The following TENM3 variants were observed in gnomAD, a reference collection of about 807,000 sequenced individuals.
TENM3 encodes the protein teneurin transmembrane protein 3.
In TENM3, 63 loss-of-function variants were observed where a neutral mutation model predicts 255.1. The observed-to-expected ratio is 0.25, with a 90% CI of 0.20 to 0.30. The LOEUF (loss-of-function observed/expected upper bound fraction) is 0.30, where lower values mean the gene tolerates loss of function less well. Among genes scored for constraint, TENM3 ranks in the 10% least tolerant of loss-of-function variants. The pLI is 1.00. For missense variants in TENM3, 2,929 were observed against 3,461.1 expected (o/e 0.85, Z 3.86); for synonymous variants, 1,306 against 1,322.3 (o/e 0.99, Z 0.27).
the TENM3 span, among the ~76,000 whole-genome samples, chr4:181,716,744 A>T: frequency 6.6e-6 from 1 of 152,224 alleles, no homozygotes; most frequent in Non-Finnish European, 1.5e-5. Context: ...AGGGTAATCA[A>T]TATTATACAG....
the TENM3 span, among the ~76,000 whole-genome samples, chr4:181,661,963 G>A: frequency 6.6e-6 from 1 of 151,138 alleles, no homozygotes; most frequent in African/African-American, 2.4e-5. Context: ...TATCAAATTG[G>A]CCTCATCAAA....
At chr4:182,193,995 C>T (rs1450145) in intron 1 of TENM3, among the ~76,000 whole-genome samples, 1 of 152,130 alleles carries the variant, frequency 6.6e-6, no homozygotes, top group Non-Finnish European at 1.5e-5. Context: ...ACTTCATGGC[C>T]TACGTTAAAA....
the TENM3 span, among the ~76,000 whole-genome samples, chr4:181,579,467 C>A: frequency 6.6e-6 from 1 of 152,114 alleles, no homozygotes; most frequent in African/African-American, 2.4e-5. Context: ...TGAGAAAATT[C>A]TGGAAAGTGT....
In TENM3 at chr4:182,402,216, A is replaced by G. The variant is rs540227774; in HGVS notation, c.511+55287A>G. 2.6e-5 allele frequency among the ~76,000 whole-genome samples: 4 copies of G among 152,332 alleles called. No individual in the cohort carries two copies. The East Asian group carries it at 7.7e-4, about 29-fold the overall frequency. On this transcript the variant is annotated intron_variant, in intron 3 of 27. Coordinates refer to ENST00000511685, the MANE Select transcript of TENM3 (RefSeq NM_001080477.4). ...TCACTCACTTTATTGGAATACCCAA[A>G]TGCACAGGTCGTTTATTTTGCTATT...
At chr4:182,338,694 A>T (rs1367297547) in intron 2 of TENM3, among the ~76,000 whole-genome samples, 1 of 152,200 alleles carries the variant, frequency 6.6e-6, no homozygotes. Context: ...GATTAAAATA[A>T]TAATGTCTCT....
At chr4:182,348,761 A>G (rs1764991022) in intron 3 of TENM3, among the ~76,000 whole-genome samples, 1 of 152,158 alleles carries the variant, frequency 6.6e-6, no homozygotes, top group Admixed American at 6.5e-5. Flanking sequence ...AAAGGATCTC[A>G]TGGTGGATCC....
chr4:182,623,253 T>C lies in TENM3; in HGVS notation c.750-5398T>C, dbSNP rs535899747. 1.1e-4 allele frequency among the ~76,000 whole-genome samples: 16 copies of C among 152,184 alleles called. No homozygotes were observed. In the South Asian group the frequency reaches 3.1e-3, roughly 30 times the overall value. ...TGGTCTCGATTTCCTGACCTTGTGA[T>C]CCACCTGTCCCCGCCTCCCTAAGTG... On this transcript the variant is annotated intron_variant, in intron 4 of 27. Coordinates refer to ENST00000511685, the MANE Select transcript of TENM3 (RefSeq NM_001080477.4).
At chr4:181,806,082 TAAG>T in the TENM3 span, among the ~76,000 whole-genome samples, 834 of 152,300 alleles carry the variant, frequency 5.5e-3, 8 homozygotes, top group African/African-American at 0.019. Flanking sequence ...ATCCATAAAA[TAAG>T]AACATTATAA....
intron 27 of TENM3, among the ~76,000 whole-genome samples, chr4:182,797,706 G>C (rs1399879828): frequency 6.6e-6 from 1 of 152,114 alleles, no homozygotes; most frequent in Admixed American, 6.5e-5. Context: ...AGAATTTCCA[G>C]CTTACAGTAA....
the TENM3 span, among the ~76,000 whole-genome samples, chr4:181,614,068 ATTG>A: frequency 6.0e-5 from 9 of 150,714 alleles, no homozygotes; most frequent in Admixed American, 6.0e-4. Context: ...TGGAGCTATT[ATTG>A]TTATTTTAAA....
intron 1 of TENM3, among the ~76,000 whole-genome samples, chr4:182,220,210 C>T (rs34563613): frequency 6.6e-6 from 1 of 151,896 alleles, no homozygotes; most frequent in Non-Finnish European, 1.5e-5. Flanking sequence ...AACTCTGTCT[C>T]TACTAAAAAT....
chr4:182,300,840 CT>C (rs1291673723), intron 1 of TENM3, among the ~76,000 whole-genome samples: 2 of 152,236 alleles, frequency 1.3e-5, no homozygotes, highest in African/African-American at 4.8e-5. Flanking sequence ...TGATGATGGA[CT>C]TTCCATTTTA....
At chr4:182,028,114 A>G in the TENM3 span, among the ~76,000 whole-genome samples, 1 of 152,222 alleles carries the variant, frequency 6.6e-6, no homozygotes, top group African/African-American at 2.4e-5. Context: ...TTTTCTTTAC[A>G]GGAAGACTTT....
intron 3 of TENM3, among the ~76,000 whole-genome samples, chr4:182,535,287 G>A (rs1740189587): frequency 2.0e-5 from 3 of 152,148 alleles, no homozygotes; most frequent in Non-Finnish European, 4.4e-5. Context: ...ACATATTTTG[G>A]TCAATTTTGA....
chr4:182,720,000 T>G (rs930856199), intron 13 of TENM3, among the ~76,000 whole-genome samples: 1 of 151,978 alleles, frequency 6.6e-6, no homozygotes, highest in African/African-American at 2.4e-5. Flanking sequence ...AGGTCAAGGC[T>G]GCAGTGAGCC....
In TENM3 at chr4:182,729,135, T is replaced by C; in HGVS notation, c.2539T>C (p.Ser847Pro). 1 of 1,614,038 alleles carries C rather than the reference T, an allele frequency of 6.2e-7. No individual in the cohort carries two copies. The highest frequency in any genetic ancestry group is 8.5e-7 in the Non-Finnish European group (1 of 1,179,894). ...FYDRISFLIGSDSTHVIPGES... is the reference protein window; with the variant it reads ...FYDRISFLIGPDSTHVIPGES... Reference sequence around the variant, plus strand: ...TGATCGAATCAGTTTCCTTATAGGATCTGATAGCACCCATGTTATACCTGG... The same window carrying C: ...TGATCGAATCAGTTTCCTTATAGGACCTGATAGCACCCATGTTATACCTGG... Residue 847 changes from serine (S) to proline (P), a missense_variant, in exon 14 of 28, where the codon TCT (serine) becomes CCT (proline). Ser to Pro is a moderately conservative substitution (Grantham distance 74). Transcript: ENST00000511685.
At chr4:182,579,376 G>A (rs1342792566) in intron 3 of TENM3, among the ~76,000 whole-genome samples, 1 of 152,042 alleles carries the variant, frequency 6.6e-6, no homozygotes, top group Non-Finnish European at 1.5e-5. Flanking sequence ...ACAGAGGAAA[G>A]AACATAACCA....
chr4:182,773,721 G>A, intron 23 of TENM3, 74 bp downstream of exon 23: 3 of 1,358,836 alleles, frequency 2.2e-6, no homozygotes, highest in South Asian at 2.8e-5. Context: ...CACTTTCCAA[G>A]GTGAACCAGA....
At chr4:181,888,520 A>ATATATATATATG in the TENM3 span, among the ~76,000 whole-genome samples, 1 of 92,210 alleles carries the variant, frequency 1.1e-5, no homozygotes, top group Admixed American at 1.2e-4. Context: ...ATATATGTAT[A>ATATATATATATG]TATATACATA....
Sources: gnomAD v4.1 joint callset for allele counts (sites outside exome capture counted in the v4.1 genomes callset) on GRCh38, gnomAD v4.1.1 for gene constraint, MANE v1.5 for transcripts, NCBI Gene and HGNC (gene_info 2026-07-23, HGNC 2026-07-21) for gene names.